The following GTF2E1 variants were observed in gnomAD, a reference collection of about 807,000 sequenced individuals.
GTF2E1 encodes TFIIE alpha subunit.
A neutral mutation model predicts 34.9 loss-of-function variants in GTF2E1; 14 were observed. The ratio of observed to expected loss-of-function variants is 0.40; its 90% CI spans 0.27 to 0.63. The LOEUF is 0.63. Among genes scored for constraint, GTF2E1 ranks in the 20% least tolerant of loss-of-function variants. GTF2E1 has a pLI of 0.39. For missense variants in GTF2E1, 469 were observed against 557.7 expected (o/e 0.84, Z 1.60); for synonymous variants, 188 against 192.9 (o/e 0.97, Z 0.21).
chr3:120,765,945 C>G (rs906262154), intron 2 of GTF2E1, among the ~76,000 whole-genome samples: 2 of 152,130 alleles, frequency 1.3e-5, no homozygotes, highest in Non-Finnish European at 2.9e-5. Flanking sequence ...CTTGGATTCA[C>G]CATTTCTGGG....
At chr3:120,747,176 T>A (rs1311345214) in intron 1 of GTF2E1, among the ~76,000 whole-genome samples, 2 of 151,834 alleles carry the variant, frequency 1.3e-5, no homozygotes, top group African/African-American at 4.8e-5. Context: ...TAATCTTGGC[T>A]CACAGCAACC....
chr3:120,742,763 G>C lies in GTF2E1; in HGVS notation c.-62G>C, dbSNP rs954625282. 11 of 543,948 alleles carry C rather than the reference G, an allele frequency of 2.0e-5. No homozygotes were observed. The highest frequency in any genetic ancestry group is 9.4e-5 in the Admixed American group (3 of 31,796). The allele number at this position is 543,948 out of a possible 1,614,324, so 33.7% of individuals were successfully genotyped here. A position where few individuals can be genotyped will look rare whatever the true frequency, so the allele number is the denominator to read the frequency against. On this transcript the variant is annotated 5_prime_UTR_variant, in exon 1 of 5. Transcript: ENST00000283875. ...GCCGGTAGTTGAAGCGCTGGGGGCA[G>C]CTGTAGTGGGAGTGTTCCAGGATTC...
intron 4 of GTF2E1, among the ~76,000 whole-genome samples, chr3:120,778,549 A>G (rs971814248): frequency 7.2e-5 from 11 of 152,038 alleles, no homozygotes; most frequent in Non-Finnish European, 1.6e-4. Flanking sequence ...TCTCTTTTCC[A>G]CTGCTGCCAC....
At chr3:120,756,583 T>C (rs1709211579) in intron 2 of GTF2E1, among the ~76,000 whole-genome samples, 1 of 152,170 alleles carries the variant, frequency 6.6e-6, no homozygotes, top group African/African-American at 2.4e-5. Context: ...TAGGTCTGAT[T>C]TTTTAAAATT....
intron 4 of GTF2E1, among the ~76,000 whole-genome samples, chr3:120,779,953 T>C (rs931341115): frequency 1.3e-5 from 2 of 152,236 alleles, no homozygotes; most frequent in African/African-American, 4.8e-5. Flanking sequence ...GAATGCAGAA[T>C]GCAGATGGTT....
At chr3:120,774,847 AT>A (rs2107612860) in intron 3 of GTF2E1, among the ~76,000 whole-genome samples, 1 of 152,344 alleles carries the variant, frequency 6.6e-6, no homozygotes, top group South Asian at 2.1e-4. Context: ...CAGAGGTGGA[AT>A]AATGAAAAGT....
rs760130569 is a variant in GTF2E1, at chr3:120,770,970, A to G, written c.650+41A>G. ...GTGCTCTTACTAAGAACACATTTCA[A>G]CCTGTTCTTGTTTTAACTACCTGTA... On this transcript the variant is annotated intron_variant, in intron 3 of 4. Transcript: ENST00000283875. 3.3e-6 allele frequency: 5 copies of G among 1,534,708 alleles called. No individual in the cohort carries two copies. In the South Asian group the frequency reaches 3.4e-5, roughly 10 times the overall value.
At chr3:120,775,901 G>C (rs1422226599) in intron 3 of GTF2E1, among the ~76,000 whole-genome samples, 1 of 152,134 alleles carries the variant, frequency 6.6e-6, no homozygotes, top group Admixed American at 6.5e-5. Flanking sequence ...CGTTGGTTGA[G>C]GTCAGGCTTT....
chr3:120,753,792 G>A (rs1709186648), intron 2 of GTF2E1, among the ~76,000 whole-genome samples: 1 of 152,116 alleles, frequency 6.6e-6, no homozygotes, highest in Non-Finnish European at 1.5e-5. Context: ...CCTAAAGATT[G>A]TAAATTTTCT....
chr3:120,770,024 A>G (rs1009265283), intron 2 of GTF2E1, among the ~76,000 whole-genome samples: 4 of 152,172 alleles, frequency 2.6e-5, no homozygotes, highest in Non-Finnish European at 5.9e-5. Flanking sequence ...TCAATCATAC[A>G]TGGGGCCTTT....
intron 3 of GTF2E1, among the ~76,000 whole-genome samples, chr3:120,772,824 A>G (rs911324579): frequency 3.9e-5 from 6 of 151,978 alleles, no homozygotes; most frequent in African/African-American, 1.4e-4. Flanking sequence ...TTCTCCACCT[A>G]CCACAATCCA....
At chr3:120,747,157 G>A (rs1256727255) in intron 1 of GTF2E1, among the ~76,000 whole-genome samples, 1 of 151,684 alleles carries the variant, frequency 6.6e-6, no homozygotes, top group Non-Finnish European at 1.5e-5. Flanking sequence ...AGGCTGGAGT[G>A]CAATGGTGTA....
At position 120,758,633 on chromosome 3, in the gene GTF2E1, C is replaced by T. The variant is rs377483427; in HGVS notation, c.448+7633C>T. Among the ~76,000 whole-genome samples the T allele has an allele frequency of 8.2e-4, 125 of 151,950 alleles. 1 individual carries two copies. The highest frequency in any genetic ancestry group is 2.9e-3 in the African/African-American group (119 of 41,440). ...TCCCTGCCTTGTGTCCATGTGTTCT[C>T]GTTGTTAAACTCCCACCTATGAGTG... On this transcript the variant is annotated intron_variant, in intron 2 of 4. Transcript: ENST00000283875.
At chr3:120,742,912 T>C (rs1217624562) in intron 1 of GTF2E1, 118 bp downstream of exon 1, 2 of 225,628 alleles carry the variant, frequency 8.9e-6, no homozygotes, top group African/African-American at 4.6e-5. Context: ...CCCTGTTGCC[T>C]TGGTCCTCTT....
intron 4 of GTF2E1, among the ~76,000 whole-genome samples, chr3:120,777,931 C>T (rs944700576): frequency 1.3e-5 from 2 of 152,170 alleles, no homozygotes; most frequent in Non-Finnish European, 2.9e-5. Flanking sequence ...GCCATGTTGT[C>T]CAGGCTGGTC....
intron 2 of GTF2E1, 133 bp from the exon 3 acceptor site, chr3:120,770,595 C>T (rs1709343198): frequency 1.5e-6 from 1 of 664,236 alleles, no homozygotes; most frequent in Admixed American, 2.4e-5. Flanking sequence ...GGTCACATGG[C>T]TGTTCACTGT....
intron 2 of GTF2E1, among the ~76,000 whole-genome samples, chr3:120,751,564 C>T (rs1472806758): frequency 6.6e-6 from 1 of 152,044 alleles, no homozygotes; most frequent in African/African-American, 2.4e-5. Context: ...AAATTGTCAA[C>T]AAGATATATA....
intron 4 of GTF2E1, 82 bp downstream of exon 4, chr3:120,776,746 A>G (rs1426958653): frequency 1.1e-5 from 13 of 1,236,242 alleles, no homozygotes; most frequent in African/African-American, 3.0e-5. Flanking sequence ...TGCCTGGGCA[A>G]TTCTGGATCT....
chr3:120,747,697 G>A (rs1046632624), intron 1 of GTF2E1, among the ~76,000 whole-genome samples: 26 of 152,086 alleles, frequency 1.7e-4, no homozygotes, highest in Admixed American at 6.6e-4. Flanking sequence ...GAGTAGTCCC[G>A]CAGTAAACAT....
Sources: allele counts gnomAD v4.1 joint callset (sites outside exome capture counted in the v4.1 genomes callset), GRCh38; gene constraint gnomAD v4.1.1; transcripts MANE v1.5; gene names NCBI Gene and HGNC (gene_info 2026-07-23, HGNC 2026-07-21).